SLIT2: variants seen among roughly 807,000 people sequenced by gnomAD.
SLIT2 encodes slit homolog 2 protein.
A neutral mutation model predicts 185.7 loss-of-function variants in SLIT2; 41 were observed. The ratio of observed to expected loss-of-function variants is 0.22; its 90% CI spans 0.17 to 0.29. The LOEUF is 0.29. SLIT2 is among the 10% of genes least tolerant of loss of function. SLIT2 has a pLI of 1.00. For synonymous variants in SLIT2, 693 were observed against 680.2 expected, an observed-to-expected ratio of 1.02 and a Z score of -0.29; for missense variants, 1,571 against 1,909.0, an observed-to-expected ratio of 0.82 and a Z score of 3.30.
intron 4 of SLIT2, among the ~76,000 whole-genome samples, chr4:20,401,050 G>T (rs560129370): frequency 1.1e-4 from 16 of 151,856 alleles, no homozygotes; most frequent in Non-Finnish European, 1.9e-4. Flanking sequence ...TAATGGTAGA[G>T]ATACAGCTGC....
intron 29 of SLIT2, among the ~76,000 whole-genome samples, chr4:20,580,440 C>A (rs1220942474): frequency 6.6e-6 from 1 of 151,016 alleles, no homozygotes; most frequent in Non-Finnish European, 1.5e-5. Flanking sequence ...TGTGTGTATG[C>A]ACATAAGTAG....
chr4:20,595,014 C>T (rs1282661698), intron 30 of SLIT2, among the ~76,000 whole-genome samples: 1 of 152,100 alleles, frequency 6.6e-6, no homozygotes, highest in Non-Finnish European at 1.5e-5. Flanking sequence ...CTCCTGGTTC[C>T]TCACCATCAA....
At position 20,508,209 on chromosome 4, in the gene SLIT2, A is replaced by G. The variant is rs1719377224; in HGVS notation, c.915-2286A>G. On this transcript the variant is annotated intron_variant, in intron 9 of 36. Coordinates refer to ENST00000504154, the MANE Select transcript of SLIT2 (RefSeq NM_004787.4). ...AGCCAAAAACCCAGTTAGCAGGGAT[A>G]TGTGAAAACGAATAGAATATAGTGG... Among the ~76,000 whole-genome samples the G allele has an allele frequency of 2.6e-5, 4 of 152,150 alleles. 1 individual carries two copies. Among genetic ancestry groups the G allele is most frequent in the South Asian group, 4.1e-4 (2 of 4,826 alleles).
intron 19 of SLIT2, among the ~76,000 whole-genome samples, 164 bp from the exon 20 acceptor site, chr4:20,541,289 A>G (rs879627685): frequency 6.6e-6 from 1 of 152,184 alleles, no homozygotes; most frequent in African/African-American, 2.4e-5. Flanking sequence ...AAAAAAATGC[A>G]TCTCATATAC....
At chr4:20,412,265 C>T (rs185238729) in intron 4 of SLIT2, among the ~76,000 whole-genome samples, 2 of 150,812 alleles carry the variant, frequency 1.3e-5, no homozygotes, top group Admixed American at 6.6e-5. Flanking sequence ...AACAAATTTG[C>T]TGACTCTTGA....
At chr4:20,539,853 T>C (rs560242140) in intron 19 of SLIT2, among the ~76,000 whole-genome samples, 46 of 152,330 alleles carry the variant, frequency 3.0e-4, no homozygotes, top group Non-Finnish European at 5.7e-4. Flanking sequence ...TTCCAAATTT[T>C]AGAATTATTA....
intron 34 of SLIT2, among the ~76,000 whole-genome samples, chr4:20,612,107 G>A (rs748969838): frequency 2.7e-4 from 41 of 152,048 alleles, no homozygotes; most frequent in Admixed American, 7.2e-4. Flanking sequence ...GCTGGGCATG[G>A]TGGCTCACAC....
Position 20,528,176 on chromosome 4 carries a change from G to A in SLIT2, c.1463-773G>A. 1 of 498,314 alleles carries A rather than the reference G, an allele frequency of 2.0e-6. No individual in the cohort carries two copies. The highest frequency in any genetic ancestry group is 1.5e-5 in the South Asian group (1 of 67,130). The allele number at this position is 498,314 out of a possible 1,614,324, so 30.9% of individuals were successfully genotyped here. The stretch of plus-strand genomic sequence containing the variant: ...TAAACATTCTGCGGGAAGAATGCAT[G>A]TCATGTAAACAGTATTACGTTTCCA... On this transcript the variant is annotated intron_variant, in intron 15 of 36. Coordinates refer to ENST00000504154, the MANE Select transcript of SLIT2 (RefSeq NM_004787.4). The surrounding 1 kb of genome is among the most constrained non-coding windows in gnomAD (Gnocchi z 4.2).
At chr4:20,362,359 A>C (rs570310621) in intron 4 of SLIT2, among the ~76,000 whole-genome samples, 1 of 152,132 alleles carries the variant, frequency 6.6e-6, no homozygotes, top group African/African-American at 2.4e-5. Context: ...GAACCTGACA[A>C]GGATACCTCG....
At chr4:20,356,933 T>C (rs1722375005) in intron 4 of SLIT2, among the ~76,000 whole-genome samples, 1 of 152,176 alleles carries the variant, frequency 6.6e-6, no homozygotes, top group African/African-American at 2.4e-5. Context: ...ACAGAAAAAT[T>C]ACTTCTCAGT....
In SLIT2 at chr4:20,568,852, C is replaced by G. The variant is rs748989040; in HGVS notation, c.2949-13C>G. On this transcript the variant is annotated splice_polypyrimidine_tract_variant and intron_variant, in intron 28 of 36. Coordinates refer to ENST00000504154, the MANE Select transcript of SLIT2 (RefSeq NM_004787.4). Reference sequence around the variant, plus strand: ...AAAAAGATGTTTTTTGCCTTTTCTCCTCTGGCATTCAGGTGTATTTGTGCT... The same window carrying G: ...AAAAAGATGTTTTTTGCCTTTTCTCGTCTGGCATTCAGGTGTATTTGTGCT... 1.5e-5 allele frequency: 24 copies of G among 1,605,898 alleles called. No homozygotes were observed. The highest frequency in any genetic ancestry group is 1.9e-5 in the Non-Finnish European group (22 of 1,175,346).
chr4:20,457,679 C>A (rs935606460), intron 4 of SLIT2, among the ~76,000 whole-genome samples: 4 of 152,112 alleles, frequency 2.6e-5, no homozygotes, highest in African/African-American at 9.7e-5. Context: ...CTTTACCTAT[C>A]TACTTTTCCT....
intron 5 of SLIT2, among the ~76,000 whole-genome samples, chr4:20,472,209 TGTG>T (rs1715114273): frequency 1.7e-5 from 2 of 119,832 alleles, no homozygotes; most frequent in African/African-American, 6.7e-5. Flanking sequence ...GCTTTAGAAA[TGTG>T]TGTGTGTGTG....
rs548668120 is a variant in SLIT2, at chr4:20,600,403, A to G, written c.3692+2008A>G. 6.9e-5 allele frequency among the ~76,000 whole-genome samples: 9 copies of G among 130,842 alleles called. No individual in the cohort carries two copies. In the South Asian group the frequency reaches 2.3e-3, roughly 33 times the overall value. 85.8% of individuals were successfully genotyped at this position (130,842 alleles called of 152,430 possible). A position where few individuals can be genotyped will look rare whatever the true frequency, so the allele number is the denominator to read the frequency against. On this transcript the variant is annotated intron_variant, in intron 33 of 36. Transcript: ENST00000504154. ...ATCTTGTGACATTTATAAAGGGACT[A>G]TTATGTTGCATTTTTTTTTTTTTTT...
intron 4 of SLIT2, among the ~76,000 whole-genome samples, chr4:20,458,848 C>T (rs1235844588): frequency 1.3e-5 from 2 of 152,180 alleles, no homozygotes; most frequent in East Asian, 1.9e-4. Flanking sequence ...TACATCCCGA[C>T]TTGGTTATAG....
At chr4:20,265,427 A>G (rs1249589648) in intron 3 of SLIT2, among the ~76,000 whole-genome samples, 2 of 151,944 alleles carry the variant, frequency 1.3e-5, no homozygotes, top group Non-Finnish European at 2.9e-5. Context: ...CCAAATGTGT[A>G]TTGATACTGC....
At chr4:20,319,346 T>G (rs931361557) in intron 4 of SLIT2, among the ~76,000 whole-genome samples, 19 of 152,184 alleles carry the variant, frequency 1.2e-4, no homozygotes, top group African/African-American at 4.6e-4. Context: ...GTATAAAGAC[T>G]TTTAAAGACA....
rs141108913 is a variant in SLIT2, at chr4:20,381,876, G to C, written c.396-85876G>C. ...TTCATAACAAAAACATAAAACTCCA[G>C]ACCAATATCCTTCATAAATACATAA... On this transcript the variant is annotated intron_variant, in intron 4 of 36. Transcript: ENST00000504154. Among the ~76,000 whole-genome samples the C allele has an allele frequency of 6.7e-3, 1,018 of 151,106 alleles. 13 individuals are homozygous for C. Among genetic ancestry groups the C allele is most frequent in the African/African-American group, 0.024 (973 of 41,004 alleles).
chr4:20,346,130 C>T (rs182835749), intron 4 of SLIT2, among the ~76,000 whole-genome samples: 9 of 152,162 alleles, frequency 5.9e-5, no homozygotes, highest in Admixed American at 1.3e-4. Context: ...GTAGCTGGAA[C>T]GACAAGCACG....
Sources: gnomAD v4.1 joint callset for allele counts (sites outside exome capture counted in the v4.1 genomes callset) on GRCh38, gnomAD v4.1.1 for gene constraint, Gnocchi (gnomAD v3.1) non-coding constraint, MANE v1.5 for transcripts, NCBI Gene and HGNC (gene_info 2026-07-23, HGNC 2026-07-21) for gene names.